PPP3CA: variants seen among roughly 807,000 people sequenced by gnomAD.
PPP3CA encodes the protein protein phosphatase 3 catalytic subunit alpha.
In PPP3CA, 14 loss-of-function variants were observed where a neutral mutation model predicts 66.5. That is an observed-to-expected ratio of 0.21 (90% CI 0.14 to 0.33). The LOEUF is 0.33. Ranked by LOEUF, PPP3CA falls within the 10% of genes least tolerant of loss-of-function variation. The pLI, the probability that PPP3CA is intolerant of heterozygous loss-of-function variation, is 1.00. For synonymous variants in PPP3CA, 232 were observed against 226.2 expected (o/e 1.03, Z -0.23); for missense variants, 317 against 639.5 (o/e 0.50, Z 5.44).
intron 1 of PPP3CA, among the ~76,000 whole-genome samples, chr4:101,254,927 A>G (rs150449241): frequency 1.6e-4 from 25 of 151,756 alleles, no homozygotes; most frequent in African/African-American, 5.5e-4. Flanking sequence ...TCCACCATGC[A>G]TAAGACAGGA....
In PPP3CA at chr4:101,079,352, C is replaced by T. The variant is rs541060116; in HGVS notation, c.955+1180G>A. Among the ~76,000 whole-genome samples, 21 of 151,516 alleles carry T rather than the reference C, an allele frequency of 1.4e-4. 1 individual carries two copies. In the South Asian group the frequency reaches 2.3e-3, roughly 17 times the overall value. ...ATTTGACCTTAGATATGTTATTTGA[C>T]GCTTTTTTCCTCCTGTTTCCATTTC... On this transcript the variant is annotated intron_variant, in intron 8 of 13. Coordinates refer to ENST00000394854, the MANE Select transcript of PPP3CA (RefSeq NM_000944.5).
At chr4:101,303,548 T>G (rs1371295884) in intron 1 of PPP3CA, among the ~76,000 whole-genome samples, 1 of 152,194 alleles carries the variant, frequency 6.6e-6, no homozygotes, top group African/African-American at 2.4e-5. Context: ...TCCCATAGTT[T>G]GAATGTACCA....
At chr4:101,194,654 C>A (rs1283382898) in intron 2 of PPP3CA, among the ~76,000 whole-genome samples, 1 of 152,054 alleles carries the variant, frequency 6.6e-6, no homozygotes, top group Non-Finnish European at 1.5e-5. Flanking sequence ...GCACCCTCTA[C>A]CTCCTGGGTT....
chr4:101,257,613 A>G (rs572519324), intron 1 of PPP3CA, among the ~76,000 whole-genome samples: 1 of 152,166 alleles, frequency 6.6e-6, no homozygotes, highest in Admixed American at 6.6e-5. Flanking sequence ...TGCTCTATAA[A>G]GTGCTACTTA....
At chr4:101,243,057 A>G (rs1236095667) in intron 1 of PPP3CA, among the ~76,000 whole-genome samples, 1 of 152,170 alleles carries the variant, frequency 6.6e-6, no homozygotes, top group East Asian at 1.9e-4. Flanking sequence ...AGTGGCTCCA[A>G]AACAATAATG....
At chr4:101,219,607 T>C (rs1223576743) in intron 1 of PPP3CA, among the ~76,000 whole-genome samples, 2 of 151,602 alleles carry the variant, frequency 1.3e-5, no homozygotes, top group Admixed American at 1.3e-4. Flanking sequence ...CAACCATCCA[T>C]GGTGAACAAT....
At chr4:101,065,606 C>G (rs2695205) in intron 8 of PPP3CA, among the ~76,000 whole-genome samples, 37,891 of 152,008 alleles carry the variant, frequency 0.25, 6,348 homozygotes, top group East Asian at 0.85. Flanking sequence ...CAACCAGTAA[C>G]TGACAGATCT....
chr4:101,145,088 T>C (rs1315988012), intron 2 of PPP3CA, among the ~76,000 whole-genome samples: 3 of 152,180 alleles, frequency 2.0e-5, no homozygotes, highest in Admixed American at 6.5e-5. Flanking sequence ...CCTGCTTTCA[T>C]TTCTCATGGA....
chr4:101,116,247 G>T (rs1328242152), intron 2 of PPP3CA, among the ~76,000 whole-genome samples: 1 of 151,738 alleles, frequency 6.6e-6, no homozygotes, highest in African/African-American at 2.4e-5. Context: ...TTTCACCATT[G>T]GAGTTCCTCA....
At chr4:101,232,245 C>T (rs1725985509) in intron 1 of PPP3CA, among the ~76,000 whole-genome samples, 1 of 151,412 alleles carries the variant, frequency 6.6e-6, no homozygotes, top group Non-Finnish European at 1.5e-5. Flanking sequence ...AATATGATGC[C>T]ACTGACTCAC....
rs967509902 is a variant in PPP3CA, at chr4:101,187,249, AT to A, written c.259+8666del. On this transcript the variant is annotated intron_variant, in intron 2 of 13. Coordinates refer to ENST00000394854, the MANE Select transcript of PPP3CA (RefSeq NM_000944.5). ...ATTATCACCTCTTCTTATTTCTGTC[AT>A]TTTTTTTTTAAGATAAACTGACTGA... Among the ~76,000 whole-genome samples, 1,236 of 149,914 alleles carry A rather than the reference AT, an allele frequency of 8.2e-3. 17 individuals are homozygous for A. Among genetic ancestry groups the A allele is most frequent in the African/African-American group, 0.029 (1,176 of 41,002 alleles).
intron 1 of PPP3CA, among the ~76,000 whole-genome samples, chr4:101,289,919 G>A (rs572173966): frequency 4.2e-4 from 62 of 146,240 alleles, no homozygotes; most frequent in South Asian, 3.2e-3. Flanking sequence ...TGTGTCAGAT[G>A]TTTAAGACTA....
chr4:101,099,578 A>C, intron 4 of PPP3CA, 33 bp downstream of exon 4: 1 of 1,274,968 alleles, frequency 7.8e-7, no homozygotes, highest in Non-Finnish European at 1.1e-6. Flanking sequence ...TAGCACATAT[A>C]GTGTTAAAGG....
At chr4:101,166,095 A>G (rs1275914635) in intron 2 of PPP3CA, among the ~76,000 whole-genome samples, 1 of 152,168 alleles carries the variant, frequency 6.6e-6, no homozygotes, top group African/African-American at 2.4e-5. Context: ...TTCCAACTTA[A>G]AAGTATTTTA....
At chr4:101,267,595 C>T (rs544189940) in intron 1 of PPP3CA, among the ~76,000 whole-genome samples, 8 of 152,176 alleles carry the variant, frequency 5.3e-5, no homozygotes, top group Admixed American at 1.3e-4. Flanking sequence ...AGGGGATAAG[C>T]GGATCTGAGG....
rs190307568 is a variant in PPP3CA at position 101,247,248 on chromosome 4, G to A, written c.59-51132C>T. On this transcript the variant is annotated intron_variant, in intron 1 of 13. Coordinates refer to ENST00000394854, the MANE Select transcript of PPP3CA (RefSeq NM_000944.5). Reference sequence around the variant, plus strand: ...GCAATCTCAGCTCACTGGAACCTTCGCCTCCCGAGTTCAAGCAATTCTTCT... The same window carrying A: ...GCAATCTCAGCTCACTGGAACCTTCACCTCCCGAGTTCAAGCAATTCTTCT... 1.9e-4 allele frequency among the ~76,000 whole-genome samples: 29 copies of A among 151,300 alleles called. 1 individual carries two copies. In the East Asian group the frequency reaches 5.1e-3, roughly 27 times the overall value.
chr4:101,222,254 A>G (rs1360327273), intron 1 of PPP3CA, among the ~76,000 whole-genome samples: 1 of 151,614 alleles, frequency 6.6e-6, no homozygotes, highest in African/African-American at 2.4e-5. Flanking sequence ...TTTAGTTAGG[A>G]GAGAAAGTCA....
intron 2 of PPP3CA, among the ~76,000 whole-genome samples, chr4:101,168,133 A>G (rs1723752195): frequency 6.6e-6 from 1 of 152,224 alleles, no homozygotes; most frequent in Non-Finnish European, 1.5e-5. Context: ...TGGAAGGGCT[A>G]GTGCAGACAG....
chr4:101,151,249 C>T (rs1723126523), intron 2 of PPP3CA, among the ~76,000 whole-genome samples: 1 of 152,144 alleles, frequency 6.6e-6, no homozygotes, highest in African/African-American at 2.4e-5. Flanking sequence ...TGAGGTTCAA[C>T]AGATTCATTT....
Sources: gnomAD v4.1 joint callset for allele counts (sites outside exome capture counted in the v4.1 genomes callset) on GRCh38, gnomAD v4.1.1 for gene constraint, MANE v1.5 for transcripts, NCBI Gene and HGNC (gene_info 2026-07-23, HGNC 2026-07-21) for gene names.